Variants in BDP1 observed in about 807,000 individuals in gnomAD.
BDP1 encodes the protein transcription factor TFIIIB component B'' homolog.
Under a neutral mutation model 266.6 loss-of-function variants are expected in BDP1, and 169 were observed. That is an observed-to-expected ratio of 0.63 (90% CI 0.56 to 0.72). The LOEUF (loss-of-function observed/expected upper bound fraction) is 0.72, where lower values mean the gene tolerates loss of function less well. Ranked by LOEUF, BDP1 falls within the 30% of genes least tolerant of loss-of-function variation. The pLI, the probability that BDP1 is intolerant of heterozygous loss-of-function variation, is 0.00. For synonymous variants in BDP1, 1,090 were observed against 1,022.4 expected (o/e 1.07, Z -1.26); for missense variants, 3,015 against 3,053.8 (o/e 0.99, Z 0.30).
chr5:71,577,217 G>A, the BDP1 span, among the ~76,000 whole-genome samples: 1 of 152,170 alleles, frequency 6.6e-6, no homozygotes, highest in African/African-American at 2.4e-5. Flanking sequence ...TTTACATTTT[G>A]TGAAACTTCT....
Position 71,509,942 on chromosome 5 carries a change from A to AG in BDP1, c.2852dup (p.Glu952Ter). 6.2e-7 allele frequency: 1 copy of AG among 1,614,018 alleles called. No individual in the cohort carries two copies. The highest frequency in any genetic ancestry group is 8.5e-7 in the Non-Finnish European group (1 of 1,180,002). ...ATGGCCCAGAGGAGGTTAAGCCTCT[A>AG]GGTGAAGTGGAGACAGATTTGAAAG... is the stretch of plus-strand genomic sequence containing the variant. On this transcript the variant is annotated frameshift_variant, in exon 17 of 39. Transcript: ENST00000358731. LOFTEE classifies it high-confidence loss of function.
At chr5:71,459,862 G>A (rs1488603250) in intron 2 of BDP1, among the ~76,000 whole-genome samples, 3 of 152,194 alleles carry the variant, frequency 2.0e-5, no homozygotes, top group African/African-American at 7.2e-5. Context: ...GAGTGCCAAA[G>A]TGATGCTCCA....
At chr5:71,529,352 T>TG (rs1394688651) in intron 25 of BDP1, among the ~76,000 whole-genome samples, 4 of 151,990 alleles carry the variant, frequency 2.6e-5, no homozygotes, top group African/African-American at 9.7e-5. Flanking sequence ...ATCACACCAC[T>TG]GCACTCCAGC....
At chr5:71,519,508 C>T (rs1222226826) in intron 22 of BDP1, among the ~76,000 whole-genome samples, 3 of 152,192 alleles carry the variant, frequency 2.0e-5, no homozygotes, top group Non-Finnish European at 2.9e-5. Context: ...CTAATCCCTA[C>T]CTCCATGAGA....
At chr5:71,544,738 G>A (rs1010231107) in intron 31 of BDP1, among the ~76,000 whole-genome samples, 17 of 151,942 alleles carry the variant, frequency 1.1e-4, no homozygotes, top group Admixed American at 7.9e-4. Context: ...AAATTAGCCG[G>A]GCGTGGTGGC....
chr5:71,505,196 A>G (rs891263363), intron 16 of BDP1, among the ~76,000 whole-genome samples: 1 of 151,890 alleles, frequency 6.6e-6, no homozygotes, highest in African/African-American at 2.4e-5. Context: ...TAGTAGAAAC[A>G]GGGTTTTACC....
chr5:71,573,693 G>A, the BDP1 span, among the ~76,000 whole-genome samples: 1 of 152,208 alleles, frequency 6.6e-6, no homozygotes, highest in Non-Finnish European at 1.5e-5. Context: ...AGACAGAACC[G>A]TGTTGCTGGA....
Position 71,549,515 on chromosome 5 carries a change from A to T in BDP1, c.6904A>T (p.Thr2302Ser), listed in dbSNP as rs1444683368. Residue 2302 changes from threonine (T) to serine (S), a missense_variant, in exon 34 of 39, where the codon ACT (threonine) becomes TCT (serine). By Grantham distance (58) the Thr-to-Ser change is moderately conservative. Transcript: ENST00000358731. Reference sequence around the variant, plus strand: ...CCCAGCCAATGCAGTAGAAGAATTTACTGATGCCACTGCACAGTTCATGCC... The same window carrying T: ...CCCAGCCAATGCAGTAGAAGAATTTTCTGATGCCACTGCACAGTTCATGCC... ...EIPANAVEEF[T>S]DATAQFMPNP... 1 of 1,614,048 alleles carries T rather than the reference A, an allele frequency of 6.2e-7. No homozygotes were observed. Among genetic ancestry groups the T allele is most frequent in the Non-Finnish European group, 8.5e-7 (1 of 1,180,026 alleles).
In BDP1 at chr5:71,562,279, G is replaced by A. The variant is rs775881850; in HGVS notation, c.7502G>A (p.Gly2501Asp). The change falls in exon 38 of 39, where the codon GGC becomes GAC. Residue 2501 changes from glycine (G) to aspartate (D), a missense_variant. Physicochemically the swap from Gly to Asp is moderately conservative, Grantham distance 94 (BLOSUM62 -1). This residue lies in a region of BDP1 where 629 missense variants were observed against 632.5 expected (regional missense o/e 0.99). Coordinates refer to ENST00000358731, the MANE Select transcript of BDP1 (RefSeq NM_018429.3). ...CGTTACATTTGTATTTCTAGACCTG[G>A]CAGAAGACCCCTGGGATTTTTATCT... ...SSSKASLSRP[G>D]RRPLGFLSLI... The A allele has an allele frequency of 3.6e-5, 58 of 1,597,422 alleles. No individual in the cohort carries two copies. The highest frequency in any genetic ancestry group is 4.9e-5 in the Non-Finnish European group (58 of 1,174,236).
At chr5:71,525,070 A>G (rs976514687) in intron 25 of BDP1, among the ~76,000 whole-genome samples, 19 of 152,262 alleles carry the variant, frequency 1.2e-4, no homozygotes, top group Admixed American at 4.6e-4. Flanking sequence ...CGATTTCTCA[A>G]TCTTTTCCCC....
intron 12 of BDP1, among the ~76,000 whole-genome samples, chr5:71,497,038 T>C (rs1763939691): frequency 6.6e-6 from 1 of 152,232 alleles, no homozygotes; most frequent in Non-Finnish European, 1.5e-5. Context: ...TTTAAATTTG[T>C]TTCATTTATC....
chr5:71,534,469 A>G (rs1185485153), intron 26 of BDP1, among the ~76,000 whole-genome samples: 1 of 151,788 alleles, frequency 6.6e-6, no homozygotes, highest in Middle Eastern at 3.2e-3. Context: ...TGGTGATGCT[A>G]TATTGATTAC....
chr5:71,460,617 C>A (rs547645561), intron 2 of BDP1, among the ~76,000 whole-genome samples: 1 of 151,956 alleles, frequency 6.6e-6, no homozygotes, highest in Non-Finnish European at 1.5e-5. Flanking sequence ...AAATGTAAGC[C>A]TCACAACAAT....
At chr5:71,498,011 C>G (rs1003263626) in intron 13 of BDP1, among the ~76,000 whole-genome samples, 1 of 151,380 alleles carries the variant, frequency 6.6e-6, no homozygotes, top group African/African-American at 2.4e-5. Context: ...AGTGCAGTGG[C>G]GTGATCTTGG....
chr5:71,533,177 A>T (rs1210486755), intron 26 of BDP1, among the ~76,000 whole-genome samples: 1 of 152,324 alleles, frequency 6.6e-6, no homozygotes, highest in Non-Finnish European at 1.5e-5. Flanking sequence ...CCATTCATCC[A>T]TTCATGAACA....
At chr5:71,527,099 AATTT>A (rs1765934939) in intron 25 of BDP1, among the ~76,000 whole-genome samples, 1 of 150,866 alleles carries the variant, frequency 6.6e-6, no homozygotes, top group African/African-American at 2.4e-5. Context: ...AAAATTAATT[AATTT>A]AGAGATGGGG....
chr5:71,554,808 G>A (rs1223206235), intron 35 of BDP1, among the ~76,000 whole-genome samples: 2 of 151,894 alleles, frequency 1.3e-5, no homozygotes, highest in Admixed American at 6.6e-5. Context: ...TCCTTTATTC[G>A]AAATGCTTAG....
chr5:71,532,555 T>C (rs1470805986), intron 26 of BDP1, 128 bp downstream of exon 26: 1 of 825,770 alleles, frequency 1.2e-6, no homozygotes, highest in Non-Finnish European at 1.8e-6. Context: ...TAAGGAGCTG[T>C]TAGTCTGAGT....
At chr5:71,549,642 A>G (rs1193295503) in intron 34 of BDP1, 36 bp downstream of exon 34, 3 of 1,544,018 alleles carry the variant, frequency 1.9e-6, no homozygotes, top group Admixed American at 1.9e-5. Context: ...GCTAGGAGGA[A>G]AAGTGATTTA....
Sources: gnomAD v4.1 joint callset for allele counts (sites outside exome capture counted in the v4.1 genomes callset) on GRCh38, gnomAD v4.1.1 for gene constraint, gnomAD v4.1.1 regional missense constraint, MANE v1.5 for transcripts, NCBI Gene and HGNC (gene_info 2026-07-23, HGNC 2026-07-21) for gene names.